The following IFT140 variants were observed in gnomAD, a reference collection of about 807,000 sequenced individuals.
IFT140 encodes intraflagellar transport 140.
IFT140 carries 133 observed loss-of-function variants against 164.6 expected under a neutral mutation model. That is an observed-to-expected ratio of 0.81 (90% CI 0.70 to 0.93). IFT140 has a LOEUF of 0.93. Ranked by LOEUF, IFT140 falls within the 40% of genes least tolerant of loss-of-function variation. The pLI is 0.00. For missense variants in IFT140, 2,045 were observed against 1,972.3 expected (o/e 1.04, Z -0.70); for synonymous variants, 860 against 817.3 (o/e 1.05, Z -0.89).
At chr16:1,548,609 G>T (rs1312172032) in intron 19 of IFT140, among the ~76,000 whole-genome samples, 3 of 152,216 alleles carry the variant, frequency 2.0e-5, no homozygotes. Context: ...TCAGGAAACA[G>T]GACAATGAGG....
chr16:1,537,141 C>T (rs2031155009), intron 19 of IFT140, among the ~76,000 whole-genome samples: 1 of 152,236 alleles, frequency 6.6e-6, no homozygotes, highest in South Asian at 2.1e-4. Context: ...CTGGTTTGCT[C>T]ACAATTCCAT....
chr16:1,584,095 G>C, intron 11 of IFT140, 122 bp downstream of exon 11: 1 of 722,676 alleles, frequency 1.4e-6, no homozygotes, highest in Non-Finnish European at 2.3e-6. Context: ...GGAAATAAGA[G>C]AATCTAGGAT....
In IFT140 at chr16:1,566,259, G is replaced by A. The variant is rs772387702; in HGVS notation, c.1803C>T (p.Phe601=). The A allele has an allele frequency of 3.1e-6, 5 of 1,613,740 alleles. No individual in the cohort carries two copies. In the South Asian group the frequency reaches 5.5e-5, roughly 18 times the overall value. ...ADNSPDSKIC[F]YDVEMDTVTV... is the part of the protein sequence containing the mutation. ...TCACTGTGTCCATTTCAACATCGTAGAAGCAGATTTTGGAATCAGGGCTGT... is the reference window on the plus strand; with the variant it reads ...TCACTGTGTCCATTTCAACATCGTAAAAGCAGATTTTGGAATCAGGGCTGT... The change falls in exon 16 of 31, where the codon TTC becomes TTT. Residue 601 remains phenylalanine, a synonymous_variant. Coordinates refer to ENST00000426508, the MANE Select transcript of IFT140 (RefSeq NM_014714.4).
intron 10 of IFT140, among the ~76,000 whole-genome samples, chr16:1,585,603 C>G (rs914429289): frequency 6.6e-6 from 1 of 151,976 alleles, no homozygotes; most frequent in South Asian, 2.1e-4. Context: ...GGGATGGGTT[C>G]GTGGGTAGAT....
intron 6 of IFT140, among the ~76,000 whole-genome samples, chr16:1,590,437 T>C (rs2035119354): frequency 2.0e-5 from 3 of 152,118 alleles, no homozygotes; most frequent in African/African-American, 7.2e-5. Flanking sequence ...GCCCTCTCTG[T>C]GGCCACTACT....
rs1281988427 is a variant in IFT140, at chr16:1,558,001, T to C, written c.2333A>G (p.His778Arg). 3.1e-6 allele frequency: 5 copies of C among 1,613,826 alleles called. No homozygotes were observed. The South Asian group carries it at 3.3e-5, about 11-fold the overall frequency. ...CDKATRDAML[H>R]FSFFVTIGDM... ...TCCTATGGTGACAAAGAAGCTGAAG[T>C]GGAGCATGGCGTCCCGGGTGGCCTT... Residue 778 changes from histidine to arginine, a missense_variant, in exon 19 of 31, where the codon CAC becomes CGC. Physicochemically the swap from His to Arg is conservative, Grantham distance 29. Coordinates refer to ENST00000426508, the MANE Select transcript of IFT140 (RefSeq NM_014714.4).
intron 19 of IFT140, among the ~76,000 whole-genome samples, chr16:1,538,348 C>T (rs748500328): frequency 3.9e-5 from 6 of 152,170 alleles, no homozygotes; most frequent in African/African-American, 9.7e-5. Context: ...GGGCTGAGGG[C>T]GAGAGGACAG....
rs760987640 is a variant in IFT140, at chr16:1,510,791, G to A, written c.*153C>T. On this transcript the variant is annotated 3_prime_UTR_variant, in exon 31 of 31. Coordinates refer to ENST00000426508, the MANE Select transcript of IFT140 (RefSeq NM_014714.4). ...GTGCAGACGGGTCACACCCTCCGCC[G>A]GCCCGGGCCGCTGCGTTCTCGCCCA... 4.3e-4 allele frequency: 312 copies of A among 728,650 alleles called. No homozygotes were observed. The highest frequency in any genetic ancestry group is 6.2e-4 in the Non-Finnish European group (265 of 429,136). The allele number at this position is 728,650 out of a possible 1,614,324, so 45.1% of individuals were successfully genotyped here.
chr16:1,593,729 G>A (rs2035309477), intron 4 of IFT140, among the ~76,000 whole-genome samples: 2 of 152,098 alleles, frequency 1.3e-5, no homozygotes, highest in African/African-American at 2.4e-5. Context: ...GCATAAAGCT[G>A]AGGTGCCTTC....
intron 18 of IFT140, among the ~76,000 whole-genome samples, chr16:1,560,742 G>A (rs1399982191): frequency 1.3e-5 from 2 of 152,188 alleles, no homozygotes; most frequent in Admixed American, 1.3e-4. Flanking sequence ...AGTAACACAG[G>A]CTTACTGAAG....
intron 3 of IFT140, 30 bp downstream of exon 3, chr16:1,607,090 C>G (rs920778164): frequency 6.8e-6 from 11 of 1,608,634 alleles, no homozygotes; most frequent in Non-Finnish European, 9.4e-6. Context: ...GAAGCTACCA[C>G]AGTCAGGCTC....
intron 19 of IFT140, chr16:1,552,888 C>T (rs2032780837): frequency 7.3e-6 from 6 of 820,362 alleles, no homozygotes; most frequent in Admixed American, 6.2e-5. Flanking sequence ...CTCGTGACCT[C>T]GTGATCCACC....
chr16:1,571,442 G>C lies in IFT140; in HGVS notation c.1617C>G (p.Asp539Glu). The change falls in exon 14 of 31, where the codon GAC (aspartate) becomes GAG (glutamate). Residue 539 changes from aspartate (D) to glutamate (E), a missense_variant. Transcript: ENST00000426508. ...GATCAAAGCTTTTAAAGTGAGCCAA[G>C]TCTGTCCCTACAACCAGGAAATTCC... ...ICGNFLVVGT[D>E]LAHFKSFDLS... The C allele has an allele frequency of 6.2e-7, 1 of 1,614,164 alleles. No homozygotes were observed. Among genetic ancestry groups the C allele is most frequent in the Non-Finnish European group, 8.5e-7 (1 of 1,180,026 alleles).
intron 4 of IFT140, among the ~76,000 whole-genome samples, chr16:1,592,857 G>A (rs541165908): frequency 9.9e-5 from 15 of 151,854 alleles, no homozygotes; most frequent in African/African-American, 2.7e-4. Context: ...AGTCACTGGC[G>A]GAGGGACAGG....
At chr16:1,605,713 C>T (rs1567433035) in intron 3 of IFT140, among the ~76,000 whole-genome samples, 1 of 152,068 alleles carries the variant, frequency 6.6e-6, no homozygotes, top group African/African-American at 2.4e-5. Context: ...ACCTCATTTT[C>T]TTTATGGAAT....
chr16:1,521,810 T>C (rs73497551), intron 26 of IFT140, among the ~76,000 whole-genome samples: 65,908 of 149,428 alleles, frequency 0.44, 17,402 homozygotes, highest in African/African-American at 0.74. Context: ...CACTTGGGCC[T>C]AGGAGTTTGA....
intron 20 of IFT140, 45 bp downstream of exon 20, chr16:1,526,574 C>A (rs1204325602): frequency 1.4e-6 from 2 of 1,452,926 alleles, no homozygotes; most frequent in Non-Finnish European, 9.0e-7. Context: ...GTGGCTGTGG[C>A]AGGCGTGGTG....
intron 16 of IFT140, among the ~76,000 whole-genome samples, chr16:1,565,532 C>T (rs1387760193): frequency 2.0e-5 from 3 of 152,170 alleles, no homozygotes; most frequent in Non-Finnish European, 1.5e-5. Context: ...GAGAAAACCA[C>T]CCCCGAGCCC....
intron 4 of IFT140, among the ~76,000 whole-genome samples, chr16:1,598,063 C>T (rs2035551272): frequency 1.3e-5 from 2 of 151,860 alleles, no homozygotes; most frequent in Non-Finnish European, 1.5e-5. Flanking sequence ...GGGGACAGGC[C>T]AATGTCATTA....
Sources: allele counts gnomAD v4.1 joint callset (sites outside exome capture counted in the v4.1 genomes callset), GRCh38; gene constraint gnomAD v4.1.1; transcripts MANE v1.5; gene names NCBI Gene and HGNC (gene_info 2026-07-23, HGNC 2026-07-21).